Variants in MBTPS1 observed in about 807,000 individuals in gnomAD.
MBTPS1 encodes membrane bound transcription factor peptidase, site 1.
In MBTPS1, 94 loss-of-function variants were observed where a neutral mutation model predicts 127.8. The observed-to-expected ratio is 0.74, with a 90% CI of 0.62 to 0.87. The LOEUF (loss-of-function observed/expected upper bound fraction) is 0.87, where lower values mean the gene tolerates loss of function less well. MBTPS1 is among the 40% of genes least tolerant of loss of function. MBTPS1 has a pLI of 0.00. For synonymous variants in MBTPS1, 632 were observed against 509.4 expected, an observed-to-expected ratio of 1.24 and a Z score of -3.24; for missense variants, 1,636 against 1,353.2, an observed-to-expected ratio of 1.21 and a Z score of -3.28.
intron 12 of MBTPS1, chr16:84,072,135 C>T (rs1162612785): frequency 6.6e-6 from 1 of 152,246 alleles, no homozygotes; most frequent in Non-Finnish European, 1.5e-5. Context: ...ACTACTCCAA[C>T]ACAGGAAGCA....
At position 84,054,184 on chromosome 16, in the gene MBTPS1, A is replaced by C. The variant is rs568237712; in HGVS notation, c.*265T>G. 6.3e-6 allele frequency: 2 copies of C among 315,708 alleles called. No homozygotes were observed. Among genetic ancestry groups the C allele is most frequent in the African/African-American group, 2.1e-5 (1 of 46,810 alleles). The allele number at this position is 315,708 out of a possible 1,614,324, so 19.6% of individuals were successfully genotyped here. A position where few individuals can be genotyped will look rare whatever the true frequency, so the allele number is the denominator to read the frequency against. ...CCAGACAGCCTTTCCAGTTCTCCCGAGTCTTTGGTGCGCACAGCTGCCGGC... is the reference window on the plus strand; with the variant it reads ...CCAGACAGCCTTTCCAGTTCTCCCGCGTCTTTGGTGCGCACAGCTGCCGGC... On this transcript the variant is annotated 3_prime_UTR_variant, in exon 23 of 23. Coordinates refer to ENST00000343411, the MANE Select transcript of MBTPS1 (RefSeq NM_003791.4).
At chr16:84,103,185 G>C (rs2086280260) in intron 1 of MBTPS1, among the ~76,000 whole-genome samples, 1 of 152,052 alleles carries the variant, frequency 6.6e-6, no homozygotes, top group Non-Finnish European at 1.5e-5. Flanking sequence ...AAATAATCCA[G>C]CAGGGTAGGG....
At chr16:84,062,446 C>T (rs2085626882) in intron 19 of MBTPS1, among the ~76,000 whole-genome samples, 1 of 152,196 alleles carries the variant, frequency 6.6e-6, no homozygotes, top group Admixed American at 6.5e-5. Context: ...AAGACCCATC[C>T]CAGTCTAGGG....
rs190189599 is a variant in MBTPS1 at position 84,088,928 on chromosome 16, G to A, written c.1032-1468C>T. Among the ~76,000 whole-genome samples the A allele has an allele frequency of 7.2e-4, 109 of 152,312 alleles. 1 individual carries two copies. Among genetic ancestry groups the A allele is most frequent in the African/African-American group, 2.6e-3 (107 of 41,566 alleles). ...TGAGGCAGCATGAGCGTACACACAA[G>A]GTGGAGATGGGGCCTTCCTGGCAAG... On this transcript the variant is annotated intron_variant, in intron 8 of 22. Transcript: ENST00000343411.
At chr16:84,115,427 A>C (rs1242259657) in intron 1 of MBTPS1, among the ~76,000 whole-genome samples, 1 of 152,224 alleles carries the variant, frequency 6.6e-6, no homozygotes, top group Non-Finnish European at 1.5e-5. Flanking sequence ...CTCAATCAAC[A>C]GTTTTGCTGT....
chr16:84,058,719 C>T (rs1321226413), intron 21 of MBTPS1, among the ~76,000 whole-genome samples: 2 of 152,142 alleles, frequency 1.3e-5, no homozygotes, highest in Non-Finnish European at 2.9e-5. Flanking sequence ...GGAAAGGAAA[C>T]GATGCAAATG....
intron 22 of MBTPS1, 89 bp downstream of exon 22, chr16:84,055,916 G>C: frequency 7.0e-7 from 1 of 1,425,910 alleles, no homozygotes; most frequent in Non-Finnish European, 9.5e-7. Flanking sequence ...GACAGGGAGA[G>C]TCTGGCCCGC....
intron 11 of MBTPS1, among the ~76,000 whole-genome samples, chr16:84,077,484 C>T (rs1411151738): frequency 6.6e-6 from 1 of 152,122 alleles, no homozygotes; most frequent in Non-Finnish European, 1.5e-5. Context: ...TATCTCAAAT[C>T]ACTGGGGCAA....
intron 1 of MBTPS1, among the ~76,000 whole-genome samples, chr16:84,106,882 C>T (rs948363148): frequency 1.3e-5 from 2 of 152,122 alleles, no homozygotes; most frequent in African/African-American, 4.8e-5. Flanking sequence ...GATGGGCTGT[C>T]CACCAGATGT....
In MBTPS1 at chr16:84,067,741, G is replaced by T; in HGVS notation, c.2154C>A (p.Leu718=). 6.2e-7 allele frequency: 1 copy of T among 1,614,040 alleles called. No individual in the cohort carries two copies. The highest frequency in any genetic ancestry group is 1.1e-5 in the South Asian group (1 of 91,080). ...ACCAGTCACTGAAGATGACGAGCGA[G>T]AGGCCGTTGTCCACGTCCCTCCGGA... The part of the protein sequence containing the change: ...AKLRRDVDNG[L]SLVIFSDWYN... Residue 718 remains leucine, a synonymous_variant, in exon 16 of 23, where the codon CTC becomes CTA. Coordinates refer to ENST00000343411, the MANE Select transcript of MBTPS1 (RefSeq NM_003791.4).
rs199636224 is a variant in MBTPS1, at chr16:84,107,839, G to A, written c.-324-5732C>T. Among the ~76,000 whole-genome samples, 19 of 151,582 alleles carry A rather than the reference G, an allele frequency of 1.3e-4. No homozygotes were observed. In the East Asian group the frequency reaches 2.9e-3, roughly 23 times the overall value. ...CCTACCTCAGCCTACCAAGTTGCAC[G>A]GACTACAATACGGCACTATGTCCAG... On this transcript the variant is annotated intron_variant, in intron 1 of 22. Coordinates refer to ENST00000343411, the MANE Select transcript of MBTPS1 (RefSeq NM_003791.4).
intron 11 of MBTPS1, among the ~76,000 whole-genome samples, chr16:84,080,141 T>C (rs1362268485): frequency 6.6e-6 from 1 of 152,026 alleles, no homozygotes; most frequent in Non-Finnish European, 1.5e-5. Flanking sequence ...TCGGGGACAA[T>C]TTGAACGACC....
chr16:84,110,160 A>G lies in MBTPS1; in HGVS notation c.-325+6575T>C, dbSNP rs139193656. 2.0e-3 allele frequency among the ~76,000 whole-genome samples: 308 copies of G among 152,342 alleles called. 1 individual carries two copies. The highest frequency in any genetic ancestry group is 7.3e-3 in the African/African-American group (302 of 41,574). On this transcript the variant is annotated intron_variant, in intron 1 of 22. Transcript: ENST00000343411. ...ATTCAGTCAGTGCTGATCACTGCAT[A>G]CATAACCAGACCACACACGTCAGAC... is the stretch of plus-strand genomic sequence containing the variant.
chr16:84,098,421 A>G (rs1364159688), intron 3 of MBTPS1, among the ~76,000 whole-genome samples: 1 of 152,048 alleles, frequency 6.6e-6, no homozygotes, highest in Non-Finnish European at 1.5e-5. Context: ...GACCAGCCTG[A>G]CCAATATGGA....
At chr16:84,109,429 T>C (rs556741898) in intron 1 of MBTPS1, 14 of 152,296 alleles carry the variant, frequency 9.2e-5, no homozygotes, top group African/African-American at 2.9e-4. Context: ...ACAAAATATC[T>C]CTTTTCAAAG....
intron 15 of MBTPS1, 23 bp from the exon 16 acceptor site, chr16:84,067,846 T>A: frequency 6.3e-7 from 1 of 1,594,884 alleles, no homozygotes; most frequent in Non-Finnish European, 8.6e-7. Flanking sequence ...GAACCAAAGC[T>A]GGGAACTGTC....
intron 1 of MBTPS1, among the ~76,000 whole-genome samples, chr16:84,113,048 C>G (rs922255462): frequency 6.6e-6 from 1 of 150,892 alleles, no homozygotes; most frequent in Non-Finnish European, 1.5e-5. Flanking sequence ...AATATATATG[C>G]TAGATTTAAT....
At chr16:84,076,598 T>G (rs1177214017) in intron 11 of MBTPS1, among the ~76,000 whole-genome samples, 1 of 152,186 alleles carries the variant, frequency 6.6e-6, no homozygotes, top group Non-Finnish European at 1.5e-5. Context: ...GGTAGCAGCA[T>G]ATAAAATTAA....
chr16:84,095,534 C>T lies in MBTPS1; in HGVS notation c.625+68G>A, dbSNP rs553808040. The stretch of plus-strand genomic sequence containing the variant: ...AATTCCTGCATGTCTGGACTTTCCG[C>T]GCCTTCCCTGGGTAATAGCACACAC... On this transcript the variant is annotated intron_variant, in intron 4 of 22. Transcript: ENST00000343411. 1.3e-5 allele frequency: 20 copies of T among 1,548,012 alleles called. No individual in the cohort carries two copies. In the South Asian group the frequency reaches 1.4e-4, roughly 11 times the overall value.
Sources: allele counts gnomAD v4.1 joint callset (sites outside exome capture counted in the v4.1 genomes callset), GRCh38; gene constraint gnomAD v4.1.1; transcripts MANE v1.5; gene names NCBI Gene and HGNC (gene_info 2026-07-23, HGNC 2026-07-21).